The following IPMK variants were observed in gnomAD, a reference collection of about 807,000 sequenced individuals.
IPMK encodes inositol 1,3,4,6-tetrakisphosphate 5-kinase.
A neutral mutation model predicts 45.8 loss-of-function variants in IPMK; 17 were observed. The observed-to-expected ratio is 0.37, with a 90% CI of 0.25 to 0.56. The LOEUF (loss-of-function observed/expected upper bound fraction) is 0.56. IPMK is among the 20% of genes least tolerant of loss of function. IPMK has a pLI of 0.79. For synonymous variants in IPMK, 180 were observed against 184.3 expected, an observed-to-expected ratio of 0.98 and a Z score of 0.19; for missense variants, 399 against 498.0, an observed-to-expected ratio of 0.80 and a Z score of 1.89.
intron 1 of IPMK, among the ~76,000 whole-genome samples, chr10:58,245,917 C>T (rs1838792567): frequency 7.8e-6 from 1 of 128,012 alleles, no homozygotes; most frequent in Admixed American, 7.1e-5. Flanking sequence ...ACTGTCTCAG[C>T]CCAAATCTCC....
At chr10:58,201,876 T>C (rs1233280228) in intron 4 of IPMK, among the ~76,000 whole-genome samples, 3 of 152,158 alleles carry the variant, frequency 2.0e-5, no homozygotes, top group Non-Finnish European at 4.4e-5. Flanking sequence ...TTACTGCTAA[T>C]ATGAAGAAAG....
intron 1 of IPMK, among the ~76,000 whole-genome samples, chr10:58,253,495 G>A (rs936127916): frequency 2.3e-4 from 35 of 152,216 alleles, no homozygotes; most frequent in African/African-American, 7.9e-4. Context: ...TTGGGAGGAC[G>A]AAGCAGGCAG....
chr10:58,231,709 G>A (rs1838524637), intron 2 of IPMK, among the ~76,000 whole-genome samples: 1 of 152,168 alleles, frequency 6.6e-6, no homozygotes, highest in South Asian at 2.1e-4. Flanking sequence ...ACCAGTACCA[G>A]CCACTGCAAA....
At chr10:58,241,923 C>T (rs552389846) in intron 1 of IPMK, among the ~76,000 whole-genome samples, 43 of 151,878 alleles carry the variant, frequency 2.8e-4, no homozygotes, top group Non-Finnish European at 3.5e-4. Flanking sequence ...ACAATACTTA[C>T]ATTTATCTCA....
intron 1 of IPMK, among the ~76,000 whole-genome samples, chr10:58,245,224 G>A (rs549067677): frequency 6.6e-6 from 1 of 150,722 alleles, no homozygotes; most frequent in African/African-American, 2.5e-5. Context: ...GATATTTAAA[G>A]CAGTTAAATT....
At chr10:58,196,843 T>A in intron 5 of IPMK, 145 bp from the exon 6 acceptor site, 1 of 639,038 alleles carries the variant, frequency 1.6e-6, no homozygotes, top group Non-Finnish European at 2.6e-6. Context: ...CTAAGAATTC[T>A]AGTCAGATAT....
chr10:58,204,314 G>A (rs998411886), intron 4 of IPMK, among the ~76,000 whole-genome samples: 2 of 151,966 alleles, frequency 1.3e-5, no homozygotes, highest in Admixed American at 1.3e-4. Flanking sequence ...TTTTTTAATG[G>A]AAAGAAAACT....
chr10:58,231,329 G>A (rs535851918), intron 2 of IPMK, among the ~76,000 whole-genome samples: 1 of 152,202 alleles, frequency 6.6e-6, no homozygotes, highest in African/African-American at 2.4e-5. Flanking sequence ...TACGGAGAAT[G>A]CCACAAAGAT....
At chr10:58,203,385 C>T (rs1698431) in intron 4 of IPMK, among the ~76,000 whole-genome samples, 51,535 of 152,148 alleles carry the variant, frequency 0.34, 10,983 homozygotes, top group African/African-American at 0.61. Context: ...AGCACGATCA[C>T]GGCTCACTGC....
At chr10:58,201,494 A>G (rs773330940) in intron 4 of IPMK, among the ~76,000 whole-genome samples, 1 of 152,190 alleles carries the variant, frequency 6.6e-6, no homozygotes, top group Non-Finnish European at 1.5e-5. Context: ...AATTGGATAA[A>G]TATGTGTGTC....
intron 1 of IPMK, among the ~76,000 whole-genome samples, chr10:58,245,665 G>C (rs1342187494): frequency 6.7e-6 from 1 of 150,284 alleles, no homozygotes; most frequent in Non-Finnish European, 1.5e-5. Flanking sequence ...AAAATAATAA[G>C]AGTTATCTAT....
chr10:58,230,899 G>A (rs575792559), intron 2 of IPMK, among the ~76,000 whole-genome samples: 96 of 152,242 alleles, frequency 6.3e-4, no homozygotes, highest in African/African-American at 2.2e-3. Context: ...GAGGATGTTC[G>A]AACCCATCGT....
Position 58,231,849 on chromosome 10 carries a change from G to A in IPMK, c.277-4710C>T, listed in dbSNP as rs536238638. Reference sequence around the variant, plus strand: ...ACAATATTAACCTTAAATGTAAATGGGCTAAATGCCCCAATTAAAAGACAC... The same window carrying A: ...ACAATATTAACCTTAAATGTAAATGAGCTAAATGCCCCAATTAAAAGACAC... On this transcript the variant is annotated intron_variant, in intron 2 of 5. Transcript: ENST00000373935. Among the ~76,000 whole-genome samples the A allele has an allele frequency of 5.9e-5, 9 of 152,216 alleles. No individual in the cohort carries two copies. The South Asian group carries it at 1.7e-3, about 28-fold the overall frequency.
intron 1 of IPMK, among the ~76,000 whole-genome samples, chr10:58,248,417 A>G (rs1330061293): frequency 6.6e-6 from 1 of 152,084 alleles, no homozygotes; most frequent in Non-Finnish European, 1.5e-5. Context: ...CATTTTCTAA[A>G]TTTTTTTGAT....
chr10:58,200,118 CT>C (rs1045879935), intron 4 of IPMK, among the ~76,000 whole-genome samples: 156 of 151,964 alleles, frequency 1.0e-3, no homozygotes, highest in African/African-American at 3.6e-3. Context: ...AAAATACCAA[CT>C]TTTTTTTGGT....
intron 1 of IPMK, among the ~76,000 whole-genome samples, chr10:58,246,676 C>T (rs1206074018): frequency 2.7e-5 from 4 of 150,310 alleles, no homozygotes; most frequent in Non-Finnish European, 5.9e-5. Context: ...AAGACTTAAA[C>T]GCTAGACCTA....
chr10:58,228,483 T>C (rs765840764), intron 2 of IPMK, among the ~76,000 whole-genome samples: 3 of 152,244 alleles, frequency 2.0e-5, no homozygotes, highest in Non-Finnish European at 4.4e-5. Flanking sequence ...GTGGGACTGG[T>C]GTTTACTGCA....
Position 58,242,376 on chromosome 10 carries a change from C to T in IPMK, c.191-4562G>A, listed in dbSNP as rs559938199. 1.4e-4 allele frequency among the ~76,000 whole-genome samples: 21 copies of T among 148,968 alleles called. No individual in the cohort carries two copies. The South Asian group carries it at 1.7e-3, about 12-fold the overall frequency. Reference sequence around the variant, plus strand: ...TCGGGAGGCTGAGGCAGGAGAATGGCGTGAACCCAGGCGGTAGGGGTTGCA... The same window carrying T: ...TCGGGAGGCTGAGGCAGGAGAATGGTGTGAACCCAGGCGGTAGGGGTTGCA... On this transcript the variant is annotated intron_variant, in intron 1 of 5. Coordinates refer to ENST00000373935, the MANE Select transcript of IPMK (RefSeq NM_152230.5).
intron 4 of IPMK, among the ~76,000 whole-genome samples, chr10:58,205,175 G>T (rs1368409199): frequency 1.3e-5 from 2 of 152,048 alleles, no homozygotes; most frequent in South Asian, 2.1e-4. Context: ...TTAGGCAATG[G>T]TTTCTTAGAT....
Sources: gnomAD v4.1 joint callset for allele counts (sites outside exome capture counted in the v4.1 genomes callset) on GRCh38, gnomAD v4.1.1 for gene constraint, MANE v1.5 for transcripts, NCBI Gene and HGNC (gene_info 2026-07-23, HGNC 2026-07-21) for gene names.